DST: variants seen among roughly 807,000 people sequenced by gnomAD.
DST encodes the protein dystonin, also known as bullous pemphigoid antigen.
A neutral mutation model predicts 875.2 loss-of-function variants in DST; 253 were observed. The observed-to-expected ratio is 0.29, with a 90% confidence interval of 0.26 to 0.32. DST has a LOEUF of 0.32. Among genes scored for constraint, DST ranks in the 10% least tolerant of loss-of-function variants. The pLI is 1.00. For missense variants in DST, 8,287 were observed against 9,111.6 expected, an observed-to-expected ratio of 0.91 and a Z score of 3.68; for synonymous variants, 3,124 against 3,197.1, an observed-to-expected ratio of 0.98 and a Z score of 0.77.
At chr6:56,741,817 CA>C (rs2152938375) in intron 4 of DST, among the ~76,000 whole-genome samples, 1 of 152,288 alleles carries the variant, frequency 6.6e-6, no homozygotes, top group African/African-American at 2.4e-5. Context: ...ACTTTTATAA[CA>C]TTCCTCTATT....
chr6:56,694,788 G>T (rs888989001), intron 9 of DST, among the ~76,000 whole-genome samples: 1 of 152,014 alleles, frequency 6.6e-6, no homozygotes, highest in African/African-American at 2.4e-5. Context: ...CTCATGAACG[G>T]CTTTCGGCCA....
chr6:56,943,423 T>G (rs961929625), intron 2 of DST, among the ~76,000 whole-genome samples: 1 of 151,434 alleles, frequency 6.6e-6, no homozygotes, highest in African/African-American at 2.4e-5. Flanking sequence ...ATTTTCTTTT[T>G]CTTTTTCTTT....
rs560725784 is a variant in DST, at chr6:56,897,839, C to T, written c.417+2582G>A. The stretch of plus-strand genomic sequence containing the variant: ...GAGCAGTATATTTATTCGCCCTGCT[C>T]CCTCCTGACTCACTAGGTTCTGGCA... On this transcript the variant is annotated intron_variant, in intron 3 of 103. Transcript: ENST00000680361. Among the ~76,000 whole-genome samples, 5 of 152,204 alleles carry T rather than the reference C, an allele frequency of 3.3e-5. No homozygotes were observed. The East Asian group carries it at 9.6e-4, about 29-fold the overall frequency.
chr6:56,822,174 A>G (rs1433875449), intron 4 of DST, among the ~76,000 whole-genome samples: 1 of 152,234 alleles, frequency 6.6e-6, no homozygotes, highest in Admixed American at 6.5e-5. Flanking sequence ...TCTCCACTGT[A>G]AATAACTAAA....
chr6:56,693,508 G>A, intron 9 of DST: 1 of 607,190 alleles, frequency 1.6e-6, no homozygotes, highest in Non-Finnish European at 2.1e-6. Flanking sequence ...TCGGTTTTCT[G>A]AAATGCAGAT....
chr6:56,553,673 A>T lies in DST; in HGVS notation c.15137-18T>A. On this transcript the variant is annotated intron_variant, in intron 60 of 103. Transcript: ENST00000680361. ...ATGATTCTCTAGAAATAAAATTACA[A>T]GATATGTTTATTTTACATCAAAATG... is the stretch of plus-strand genomic sequence containing the variant. The T allele has an allele frequency of 1.3e-6, 2 of 1,597,010 alleles. No individual in the cohort carries two copies. The highest frequency in any genetic ancestry group is 1.7e-6 in the Non-Finnish European group (2 of 1,173,012).
chr6:56,801,006 C>T (rs35440822), intron 4 of DST, among the ~76,000 whole-genome samples: 23,759 of 112,264 alleles, frequency 0.21, 2,159 homozygotes, highest in Middle Eastern at 0.27. Flanking sequence ...GGCAACAGAA[C>T]AAAACATTGT....
intron 10 of DST, among the ~76,000 whole-genome samples, chr6:56,660,135 C>A (rs2099031448): frequency 1.3e-5 from 2 of 152,158 alleles, no homozygotes; most frequent in South Asian, 4.2e-4. Flanking sequence ...GACTGCTGGC[C>A]AGAACCATTT....
intron 90 of DST, among the ~76,000 whole-genome samples, chr6:56,478,181 G>A: frequency 6.6e-6 from 1 of 152,046 alleles, no homozygotes; most frequent in Admixed American, 6.6e-5. Context: ...TAACAAATAA[G>A]GTAAGGAGGT....
chr6:56,732,560 G>C (rs1265030606), intron 5 of DST, among the ~76,000 whole-genome samples: 1 of 150,616 alleles, frequency 6.6e-6, no homozygotes, highest in East Asian at 1.9e-4. Flanking sequence ...AATATTTTAA[G>C]AAGAAAATAT....
At chr6:56,716,812 AC>A (rs1397122301) in intron 5 of DST, among the ~76,000 whole-genome samples, 1 of 152,090 alleles carries the variant, frequency 6.6e-6, no homozygotes, top group Non-Finnish European at 1.5e-5. Flanking sequence ...TTTTCCACAG[AC>A]CAGGGTCAGG....
chr6:56,728,749 C>G (rs550502052), intron 5 of DST, among the ~76,000 whole-genome samples: 1 of 152,152 alleles, frequency 6.6e-6, no homozygotes, highest in South Asian at 2.1e-4. Context: ...ATACCTGACC[C>G]TGAACTGGTC....
intron 4 of DST, among the ~76,000 whole-genome samples, chr6:56,748,964 C>T (rs1418290884): frequency 1.3e-5 from 2 of 152,056 alleles, no homozygotes; most frequent in Admixed American, 6.5e-5. Context: ...AGGATCAAGC[C>T]GTTCACTAAA....
At position 56,671,051 on chromosome 6, in the gene DST, C is replaced by A. The variant is rs1253252266; in HGVS notation, c.1048-244G>T. 6.6e-5 allele frequency among the ~76,000 whole-genome samples: 10 copies of A among 152,200 alleles called. No homozygotes were observed. The East Asian group carries it at 1.9e-3, about 29-fold the overall frequency. On this transcript the variant is annotated intron_variant, in intron 9 of 103. Transcript: ENST00000680361. ...AATTATTTTTATTTAGCCCTCATACCTCTCCCTTATAAATTTTCCCCATTT... is the reference window on the plus strand; with the variant it reads ...AATTATTTTTATTTAGCCCTCATACATCTCCCTTATAAATTTTCCCCATTT...
chr6:56,636,505 G>A (rs2098828064), intron 23 of DST, 52 bp downstream of exon 23: 1 of 1,465,088 alleles, frequency 6.8e-7, no homozygotes, highest in Non-Finnish European at 9.5e-7. Flanking sequence ...ATTCCTGCAA[G>A]TTAGCCAAAA....
Position 56,610,502 on chromosome 6 carries a change from A to G in DST, c.5208T>C (p.Tyr1736=), listed in dbSNP as rs777491971. ...EKQVKTLQES[Y]NLLFSESLKQ... is the part of the protein sequence containing the mutation. ...TCAGAGATTCACTGAATAATAAATT[A>G]TAACTTTCCTGAAGAGTTTTCACTT... The change falls in exon 39 of 104, where the codon TAT becomes TAC. Residue 1736 remains tyrosine (Y), a synonymous_variant. Transcript: ENST00000680361. 10 of 1,568,122 alleles carry G rather than the reference A, an allele frequency of 6.4e-6. No homozygotes were observed. In the East Asian group the frequency reaches 2.1e-4, roughly 32 times the overall value.
chr6:56,793,016 C>A (rs538557014), intron 4 of DST, among the ~76,000 whole-genome samples: 1 of 143,354 alleles, frequency 7.0e-6, no homozygotes, highest in African/African-American at 2.6e-5. Context: ...TGCAGTGAGC[C>A]CATGATCGCA....
At chr6:56,775,334 CTTTG>C (rs2099676820) in intron 4 of DST, among the ~76,000 whole-genome samples, 1 of 152,192 alleles carries the variant, frequency 6.6e-6, no homozygotes, top group Admixed American at 6.5e-5. Flanking sequence ...TTTTAGGCTG[CTTTG>C]TTTATTTAAC....
intron 75 of DST, among the ~76,000 whole-genome samples, chr6:56,507,899 C>T (rs750906306): frequency 5.7e-4 from 86 of 152,142 alleles, no homozygotes; most frequent in Non-Finnish European, 1.0e-3. Flanking sequence ...GCAGCAAGGT[C>T]AGAGGCCTAG....
Sources: gnomAD v4.1 joint callset for allele counts (sites outside exome capture counted in the v4.1 genomes callset) on GRCh38, gnomAD v4.1.1 for gene constraint, MANE v1.5 for transcripts, NCBI Gene and HGNC (gene_info 2026-07-23, HGNC 2026-07-21) for gene names.